The following CSMD1 variants were observed in gnomAD, a reference collection of about 807,000 sequenced individuals.
The protein encoded by CSMD1 is CUB and Sushi multiple domains 1.
CSMD1 carries 213 observed loss-of-function variants against 417.5 expected under a neutral mutation model. That is an observed-to-expected ratio of 0.51 (90% confidence interval 0.46 to 0.57). The LOEUF (loss-of-function observed/expected upper bound fraction) is 0.57. Among genes scored for constraint, CSMD1 ranks in the 20% least tolerant of loss-of-function variants. The pLI, the probability that CSMD1 is intolerant of heterozygous loss-of-function variation, is 0.00. For synonymous variants in CSMD1, 2,862 were observed against 1,736.8 expected (o/e 1.65, Z -16.11); for missense variants, 6,923 against 4,529.7 (o/e 1.53, Z -15.17).
chr8:3,775,978 C>T (rs2129060966), intron 5 of CSMD1, among the ~76,000 whole-genome samples: 1 of 152,328 alleles, frequency 6.6e-6, no homozygotes, highest in African/African-American at 2.4e-5. Flanking sequence ...TCAGCCCAGG[C>T]TTCCTCCTCA....
intron 5 of CSMD1, among the ~76,000 whole-genome samples, chr8:3,806,807 G>A (rs773346332): frequency 6.6e-6 from 1 of 152,162 alleles, no homozygotes; most frequent in Non-Finnish European, 1.5e-5. Flanking sequence ...GTGCAGCATA[G>A]TTCAGAACTA....
intron 1 of CSMD1, among the ~76,000 whole-genome samples, chr8:4,901,262 G>C (rs998066770): frequency 3.3e-5 from 5 of 152,086 alleles, no homozygotes; most frequent in Non-Finnish European, 5.9e-5. Context: ...TTAACCTCTA[G>C]AAAACAAAAC....
At chr8:4,093,165 A>C (rs1274295704) in intron 3 of CSMD1, among the ~76,000 whole-genome samples, 1 of 152,236 alleles carries the variant, frequency 6.6e-6, no homozygotes, top group African/African-American at 2.4e-5. Context: ...TTGCAGGTTT[A>C]CAGTAACAAG....
At chr8:4,710,820 G>C (rs201528913) in intron 1 of CSMD1, among the ~76,000 whole-genome samples, 1 of 151,560 alleles carries the variant, frequency 6.6e-6, no homozygotes, top group Non-Finnish European at 1.5e-5. Flanking sequence ...GCTCTAGCCT[G>C]GGAGACAGAG....
chr8:3,679,207 G>A (rs1194743101), intron 7 of CSMD1, among the ~76,000 whole-genome samples: 2 of 152,208 alleles, frequency 1.3e-5, no homozygotes, highest in South Asian at 2.1e-4. Flanking sequence ...ATGCAAATGG[G>A]CTAAATGCTC....
Position 3,214,513 on chromosome 8 carries a change from C to T in CSMD1, c.4851G>A (p.Val1617=), listed in dbSNP as rs764938871. The part of the protein sequence containing the change: ...GADGKPSWDQ[V]LPSCNAPCGG... ...TGCACTCACCATTGCAGGAGGGCAG[C>T]ACTTGGTCCCAGGAGGGTTTCCCAT... The change falls in exon 30 of 70, where the codon GTG becomes GTA. Residue 1617 remains valine, a synonymous_variant. Coordinates refer to ENST00000635120, the MANE Select transcript of CSMD1 (RefSeq NM_033225.6). 2 of 1,596,876 alleles carry T rather than the reference C, an allele frequency of 1.3e-6. No homozygotes were observed. The highest frequency in any genetic ancestry group is 2.3e-5 in the East Asian group (1 of 44,442).
chr8:3,740,598 G>T (rs1334204532), intron 6 of CSMD1, among the ~76,000 whole-genome samples: 2 of 152,164 alleles, frequency 1.3e-5, no homozygotes, highest in African/African-American at 4.8e-5. Flanking sequence ...AGGACGAGCA[G>T]GGGCTGAGGT....
At position 3,725,415 on chromosome 8, in the gene CSMD1, A is replaced by G. The variant is rs183728226; in HGVS notation, c.932-16924T>C. On this transcript the variant is annotated intron_variant, in intron 6 of 69. Transcript: ENST00000635120. ...TCACTTGAACATTTTTATTTTTTAA[A>G]AGGAAGCAGAGATTTGGGACCAAAG... is the stretch of plus-strand genomic sequence containing the variant. 8.5e-5 allele frequency among the ~76,000 whole-genome samples: 13 copies of G among 152,306 alleles called. No individual in the cohort carries two copies. In the East Asian group the frequency reaches 2.5e-3, roughly 29 times the overall value.
chr8:3,166,680 C>A (rs1291552648), intron 37 of CSMD1, among the ~76,000 whole-genome samples: 2 of 152,034 alleles, frequency 1.3e-5, no homozygotes, highest in African/African-American at 4.8e-5. Flanking sequence ...AAATAATGGG[C>A]AAACCTATAG....
At chr8:3,483,049 A>T (rs1427138535) in intron 11 of CSMD1, among the ~76,000 whole-genome samples, 1 of 152,180 alleles carries the variant, frequency 6.6e-6, no homozygotes, top group Non-Finnish European at 1.5e-5. Context: ...AAATTACTTA[A>T]GTTCCTACCT....
At chr8:3,771,118 C>T (rs1048111107) in intron 5 of CSMD1, among the ~76,000 whole-genome samples, 3 of 151,922 alleles carry the variant, frequency 2.0e-5, no homozygotes, top group African/African-American at 7.3e-5. Context: ...AAAACTGTAT[C>T]CAAATTGTGA....
chr8:3,997,275 A>G (rs1815289236), intron 5 of CSMD1, among the ~76,000 whole-genome samples: 1 of 152,204 alleles, frequency 6.6e-6, no homozygotes, highest in Non-Finnish European at 1.5e-5. Context: ...TATTCTTGCA[A>G]TCACGACCAT....
At chr8:4,955,616 C>T (rs923476993) in intron 1 of CSMD1, among the ~76,000 whole-genome samples, 1 of 152,010 alleles carries the variant, frequency 6.6e-6, no homozygotes, top group African/African-American at 2.4e-5. Context: ...CCACTACACC[C>T]GGCTAATTTT....
intron 1 of CSMD1, among the ~76,000 whole-genome samples, chr8:4,969,997 A>G (rs904559561): frequency 1.8e-4 from 27 of 149,110 alleles, no homozygotes; most frequent in African/African-American, 6.8e-4. Flanking sequence ...CATGGTCCGT[A>G]TATTAATTAT....
At chr8:4,346,541 T>C (rs1454997770) in intron 3 of CSMD1, among the ~76,000 whole-genome samples, 1 of 152,154 alleles carries the variant, frequency 6.6e-6, no homozygotes, top group Non-Finnish European at 1.5e-5. Context: ...TACAGAAAAC[T>C]TTCAGTCTTT....
At position 3,308,319 on chromosome 8, in the gene CSMD1, C is replaced by G. The variant is rs368827101; in HGVS notation, c.3816G>C (p.Ser1272=). Reference sequence around the variant, plus strand: ...GACTGCTTCCACACTCACCTATGCACGAAGGTAGTGGTTTGTCCCACACTC... The same window carrying G: ...GACTGCTTCCACACTCACCTATGCAGGAAGGTAGTGGTTTGTCCCACACTC... ...DRRVWDKPLP[S]CIAECGGQIH... is the part of the protein sequence containing the mutation. Residue 1272 remains serine, a synonymous_variant, in exon 24 of 70, where the codon TCG becomes TCC. Coordinates refer to ENST00000635120, the MANE Select transcript of CSMD1 (RefSeq NM_033225.6). 6 of 1,607,196 alleles carry G rather than the reference C, an allele frequency of 3.7e-6. No homozygotes were observed. Among genetic ancestry groups the G allele is most frequent in the Non-Finnish European group, 4.3e-6 (5 of 1,175,020 alleles).
chr8:3,684,815 C>G (rs1224138784), intron 7 of CSMD1, among the ~76,000 whole-genome samples: 7 of 152,102 alleles, frequency 4.6e-5, no homozygotes, highest in Non-Finnish European at 1.0e-4. Context: ...TGCTATAGAT[C>G]ATATTCCAAA....
intron 1 of CSMD1, among the ~76,000 whole-genome samples, chr8:4,933,358 G>C (rs568130860): frequency 6.6e-6 from 1 of 152,162 alleles, no homozygotes; most frequent in African/African-American, 2.4e-5. Flanking sequence ...CCCCCATTTT[G>C]GTAAACTGTA....
chr8:3,002,043 G>A (rs570837435), intron 52 of CSMD1, among the ~76,000 whole-genome samples: 5 of 152,284 alleles, frequency 3.3e-5, no homozygotes, highest in African/African-American at 4.8e-5. Flanking sequence ...GCCTCAACTC[G>A]TAGAAGAGAT....
Sources: gnomAD v4.1 joint callset for allele counts (sites outside exome capture counted in the v4.1 genomes callset) on GRCh38, gnomAD v4.1.1 for gene constraint, MANE v1.5 for transcripts, NCBI Gene and HGNC (gene_info 2026-07-23, HGNC 2026-07-21) for gene names.